ADSS1: variants seen among roughly 807,000 people sequenced by gnomAD.
ADSS1 encodes the protein adenylosuccinate synthetase isozyme 1.
ADSS1 carries 57 observed loss-of-function variants against 59.1 expected under a neutral mutation model. The observed-to-expected ratio is 0.97, with a 90% CI of 0.78 to 1.20. The LOEUF is 1.20. Among genes scored for constraint, ADSS1 ranks in the 50% most tolerant of loss-of-function variants. The pLI is 0.00. For missense variants in ADSS1, 603 were observed against 610.3 expected (o/e 0.99, Z 0.13); for synonymous variants, 247 against 249.4 (o/e 0.99, Z 0.09).
rs371322534 is a variant in ADSS1, at chr14:104,739,830, G to T, written c.476+14G>T. On this transcript the variant is annotated intron_variant, in intron 5 of 12. Transcript: ENST00000330877. ...AGAGGGGAAGAAGTAAGTCTGCCGG[G>T]ACACTCTCACCCTCGGGGAGTCTTC... 5 of 1,613,646 alleles carry T rather than the reference G, an allele frequency of 3.1e-6. No homozygotes were observed. Among genetic ancestry groups the T allele is most frequent in the Non-Finnish European group, 4.2e-6 (5 of 1,179,950 alleles).
At chr14:104,738,966 C>G (rs1010831231) in intron 3 of ADSS1, among the ~76,000 whole-genome samples, 20 of 152,160 alleles carry the variant, frequency 1.3e-4, no homozygotes, top group Non-Finnish European at 1.0e-4. Context: ...ACATGGGCAC[C>G]AGGGGGTACC....
chr14:104,736,835 T>A (rs1468529691), intron 2 of ADSS1, among the ~76,000 whole-genome samples: 3 of 147,690 alleles, frequency 2.0e-5, no homozygotes, highest in Non-Finnish European at 3.0e-5. Context: ...CCTGCCTCTG[T>A]CTCCCAAGTA....
At chr14:104,734,089 C>G (rs938775914) in intron 1 of ADSS1, among the ~76,000 whole-genome samples, 2 of 152,228 alleles carry the variant, frequency 1.3e-5, no homozygotes, top group Non-Finnish European at 2.9e-5. Context: ...GGGCAATGAG[C>G]CATCATGGGC....
rs1282963975 is a variant in ADSS1 at position 104,744,955 on chromosome 14, G to A, written c.1171+46G>A. ...GTTCTGCCTGTTGGGCCGTTTCATG[G>A]TATTGGAATAGATAGGACCTGTGAC... On this transcript the variant is annotated intron_variant, in intron 11 of 12. Coordinates refer to ENST00000330877, the MANE Select transcript of ADSS1 (RefSeq NM_152328.5). 3.2e-6 allele frequency: 5 copies of A among 1,567,876 alleles called. No homozygotes were observed. The African/African-American group carries it at 4.1e-5, about 13-fold the overall frequency.
chr14:104,734,967 C>CG (rs1323662718), intron 1 of ADSS1, 53 bp from the exon 2 acceptor site: 6 of 1,523,330 alleles, frequency 3.9e-6, no homozygotes, highest in Non-Finnish European at 3.6e-6. Context: ...AGTCCATGTC[C>CG]GGGGGGTCCT....
intron 2 of ADSS1, among the ~76,000 whole-genome samples, chr14:104,736,589 C>T (rs1470227893): frequency 6.6e-6 from 1 of 152,206 alleles, no homozygotes; most frequent in Non-Finnish European, 1.5e-5. Flanking sequence ...TCAGCTGAGC[C>T]TGTGCCATGG....
intron 9 of ADSS1, 96 bp downstream of exon 9, chr14:104,742,098 G>A (rs546245172): frequency 6.3e-5 from 94 of 1,500,434 alleles, no homozygotes; most frequent in South Asian, 3.0e-4. Flanking sequence ...GAGGCTCTGC[G>A]GACCTTGCCA....
intron 2 of ADSS1, among the ~76,000 whole-genome samples, chr14:104,736,080 G>A (rs1891110943): frequency 6.6e-6 from 1 of 152,228 alleles, no homozygotes; most frequent in Admixed American, 6.5e-5. Flanking sequence ...GCGCGGAGGT[G>A]GCTGCCGCAG....
At position 104,738,580 on chromosome 14, in the gene ADSS1, C is replaced by G; in HGVS notation, c.358+142C>G. ...AACATAGCTGGCCCAGCTCATCACC[C>G]GCCGGCTCTACCCGCGCAGAAAGCG... is the stretch of plus-strand genomic sequence containing the variant. On this transcript the variant is annotated intron_variant, in intron 3 of 12. Transcript: ENST00000330877. 3 of 921,328 alleles carry G rather than the reference C, an allele frequency of 3.3e-6. No homozygotes were observed. The East Asian group carries it at 8.3e-5, about 26-fold the overall frequency. The allele number at this position is 921,328 out of a possible 1,614,324, so 57.1% of individuals were successfully genotyped here.
At chr14:104,731,314 G>A (rs976640335) in intron 1 of ADSS1, among the ~76,000 whole-genome samples, 7 of 152,160 alleles carry the variant, frequency 4.6e-5, no homozygotes, top group African/African-American at 9.7e-5. Flanking sequence ...ACCTCTAGGC[G>A]CCATCATTCA....
chr14:104,725,030 A>G (rs1437492644), intron 1 of ADSS1, among the ~76,000 whole-genome samples: 1 of 152,054 alleles, frequency 6.6e-6, no homozygotes, highest in Non-Finnish European at 1.5e-5. Context: ...CTGGGGGGCA[A>G]TTGGGGCCGC....
chr14:104,726,750 G>A (rs1017492645), intron 1 of ADSS1, among the ~76,000 whole-genome samples: 3 of 152,256 alleles, frequency 2.0e-5, no homozygotes, highest in Non-Finnish European at 2.9e-5. Flanking sequence ...AGGACAGAGC[G>A]AGGGCCGAGT....
At chr14:104,732,140 C>T (rs1488283306) in intron 1 of ADSS1, among the ~76,000 whole-genome samples, 2 of 152,206 alleles carry the variant, frequency 1.3e-5, no homozygotes, top group African/African-American at 4.8e-5. Flanking sequence ...CCTCATCGGC[C>T]AGCCTCATGG....
chr14:104,736,562 C>T (rs567420200), intron 2 of ADSS1, among the ~76,000 whole-genome samples: 4 of 152,298 alleles, frequency 2.6e-5, no homozygotes, highest in South Asian at 4.1e-4. Flanking sequence ...CTCGTCTGGA[C>T]TGAAGTCCCG....
intron 8 of ADSS1, 25 bp downstream of exon 8, chr14:104,741,268 C>G (rs199839186): frequency 2.3e-5 from 36 of 1,531,942 alleles, no homozygotes; most frequent in Non-Finnish European, 3.1e-5. Flanking sequence ...GTGTGCGTGC[C>G]AACGACCTTT....
chr14:104,741,594 G>A (rs567109463), intron 8 of ADSS1, among the ~76,000 whole-genome samples: 86 of 152,208 alleles, frequency 5.7e-4, no homozygotes, highest in Admixed American at 9.8e-4. Context: ...CCCCCGAGGC[G>A]GCCTGGTCAC....
In ADSS1 at chr14:104,744,875, C is replaced by G. The variant is rs1475940553; in HGVS notation, c.1137C>G (p.Tyr379Ter). The change falls in exon 11 of 13, where the codon TAC (tyrosine) becomes TAG (stop). Residue 379 changes from tyrosine (Y) to a stop codon, truncating the protein, a stop_gained. Coordinates refer to ENST00000330877, the MANE Select transcript of ADSS1 (RefSeq NM_152328.5). LOFTEE classifies it high-confidence loss of function. ...VLGEVKVGVS[Y>*]KLNGKRIPYF... The stretch of plus-strand genomic sequence containing the variant: ...GTGAGGTTAAAGTCGGTGTCTCATA[C>G]AAGCTGAACGGGAAAAGGATTCCCT... 2.5e-6 allele frequency: 4 copies of G among 1,614,152 alleles called. No homozygotes were observed. Among genetic ancestry groups the G allele is most frequent in the Non-Finnish European group, 3.4e-6 (4 of 1,180,038 alleles).
At chr14:104,738,148 C>CA (rs1291552032) in intron 2 of ADSS1, 1 of 382,580 alleles carries the variant, frequency 2.6e-6, no homozygotes, top group Non-Finnish European at 4.9e-6. Context: ...AGGCATGCGC[C>CA]ACCATGCCAA....
intron 1 of ADSS1, among the ~76,000 whole-genome samples, chr14:104,734,482 C>G (rs1432903252): frequency 2.0e-5 from 3 of 152,246 alleles, no homozygotes; most frequent in African/African-American, 7.2e-5. Context: ...ATGCTAGTCC[C>G]AGGCCCTCTC....
Sources: allele counts gnomAD v4.1 joint callset (sites outside exome capture counted in the v4.1 genomes callset), GRCh38; gene constraint gnomAD v4.1.1; transcripts MANE v1.5; gene names NCBI Gene and HGNC (gene_info 2026-07-23, HGNC 2026-07-21).